POLR1A: variants seen among roughly 807,000 people sequenced by gnomAD.
The protein encoded by POLR1A is RNA polymerase I subunit A, also known as DNA-directed RNA polymerase I subunit RPA1.
In POLR1A, 84 loss-of-function variants were observed where a neutral mutation model predicts 205.3. The observed-to-expected ratio is 0.41, with a 90% CI of 0.34 to 0.49. POLR1A has a LOEUF of 0.49. POLR1A is among the 20% of genes least tolerant of loss of function. The pLI is 0.22. For synonymous variants in POLR1A, 799 were observed against 863.7 expected (o/e 0.93, Z 1.31); for missense variants, 1,645 against 2,204.5 (o/e 0.75, Z 5.08).
At chr2:86,034,271 C>A (rs1308970915) in intron 27 of POLR1A, among the ~76,000 whole-genome samples, 2 of 152,182 alleles carry the variant, frequency 1.3e-5, no homozygotes, top group Non-Finnish European at 2.9e-5. Flanking sequence ...AGGACTAGGA[C>A]CTTCCCCTGC....
chr2:86,038,289 A>G (rs762228755), intron 27 of POLR1A, among the ~76,000 whole-genome samples: 2 of 152,254 alleles, frequency 1.3e-5, no homozygotes, highest in Non-Finnish European at 2.9e-5. Flanking sequence ...TAAATGCATC[A>G]GGAACCACAT....
intron 6 of POLR1A, among the ~76,000 whole-genome samples, chr2:86,083,686 T>C (rs1005959283): frequency 6.6e-6 from 1 of 152,246 alleles, no homozygotes; most frequent in African/African-American, 2.4e-5. Context: ...TTGATTTCCA[T>C]ATTTTGCTAT....
chr2:86,084,214 G>A lies in POLR1A; in HGVS notation c.731-1046C>T, dbSNP rs550768763. ...CCAGGAGGCGGAGCTTGCAGTGAGC[G>A]GAGATTGTGCCACTGCACTCCAGCC... is the stretch of plus-strand genomic sequence containing the variant. On this transcript the variant is annotated intron_variant, in intron 6 of 33. Coordinates refer to ENST00000263857, the MANE Select transcript of POLR1A (RefSeq NM_015425.6). Among the ~76,000 whole-genome samples the A allele has an allele frequency of 1.4e-4, 21 of 152,162 alleles. No individual in the cohort carries two copies. The East Asian group carries it at 2.1e-3, about 15-fold the overall frequency.
chr2:86,058,339 T>G (rs1672934937), intron 14 of POLR1A, among the ~76,000 whole-genome samples: 1 of 151,442 alleles, frequency 6.6e-6, no homozygotes, highest in Non-Finnish European at 1.5e-5. Flanking sequence ...GATGTCGTGA[T>G]CCGGCCGCCT....
intron 16 of POLR1A, among the ~76,000 whole-genome samples, chr2:86,052,195 T>C (rs1192452142): frequency 6.6e-6 from 1 of 152,206 alleles, no homozygotes; most frequent in Admixed American, 6.5e-5. Context: ...TCCACCCACC[T>C]TGGCCTCCCA....
At chr2:86,064,340 A>C (rs1673049515) in intron 14 of POLR1A, among the ~76,000 whole-genome samples, 1 of 152,236 alleles carries the variant, frequency 6.6e-6, no homozygotes, top group Non-Finnish European at 1.5e-5. Context: ...GGCTAAGATC[A>C]CATAGCCAAT....
Position 86,027,120 on chromosome 2 carries a change from C to A in POLR1A, c.*303G>T. 2.3e-6 allele frequency: 1 copy of A among 442,700 alleles called. No individual in the cohort carries two copies. The allele number at this position is 442,700 out of a possible 1,614,324, so 27.4% of individuals were successfully genotyped here. Reference sequence around the variant, plus strand: ...GGACTTCTCCTTAGGGGTTATGCCACAGAGGCCTCCTGCAGCACAGGTGAG... The same window carrying A: ...GGACTTCTCCTTAGGGGTTATGCCAAAGAGGCCTCCTGCAGCACAGGTGAG... On this transcript the variant is annotated 3_prime_UTR_variant, in exon 34 of 34. Coordinates refer to ENST00000263857, the MANE Select transcript of POLR1A (RefSeq NM_015425.6).
chr2:86,105,823 C>G lies in POLR1A; in HGVS notation c.-47G>C, dbSNP rs1170859046. The G allele has an allele frequency of 4.1e-6, 6 of 1,456,234 alleles. No homozygotes were observed. Among genetic ancestry groups the G allele is most frequent in the Non-Finnish European group, 3.9e-6 (4 of 1,037,640 alleles). 90.2% of individuals were successfully genotyped at this position (1,456,234 alleles called of 1,614,324 possible). ...CCGACACCCCAAGAGACGTTCCACT[C>G]ACCACCTGACTATTCTTAATTCAAC... On this transcript the variant is annotated 5_prime_UTR_variant, in exon 1 of 34. Coordinates refer to ENST00000263857, the MANE Select transcript of POLR1A (RefSeq NM_015425.6).
Position 86,097,201 on chromosome 2 carries a change from T to A in POLR1A, c.432+1410A>T, listed in dbSNP as rs1343315213. Among the ~76,000 whole-genome samples, 5 of 56,004 alleles carry A rather than the reference T, an allele frequency of 8.9e-5. 2 individuals are homozygous for A. In the Admixed American group the frequency reaches 1.7e-3, roughly 18 times the overall value. 36.7% of individuals were successfully genotyped at this position (56,004 alleles called of 152,430 possible). ...TTTCATCTCATCCCATTAGGATGGC[T>A]ATCCCCAAAAGACAAAAAAAAAAAA... On this transcript the variant is annotated intron_variant, in intron 3 of 33. Transcript: ENST00000263857.
intron 22 of POLR1A, among the ~76,000 whole-genome samples, chr2:86,043,409 G>C (rs1672652988): frequency 1.3e-5 from 2 of 152,140 alleles, no homozygotes; most frequent in Non-Finnish European, 1.5e-5. Context: ...GGGAACCAAT[G>C]GTCTTGGGAG....
intron 8 of POLR1A, among the ~76,000 whole-genome samples, chr2:86,081,322 G>C (rs1209785537): frequency 1.3e-5 from 2 of 152,156 alleles, no homozygotes; most frequent in Admixed American, 1.3e-4. Flanking sequence ...CTTGAACCCA[G>C]GAGGCAGAGG....
intron 15 of POLR1A, 83 bp downstream of exon 15, chr2:86,054,057 C>T: frequency 1.5e-6 from 2 of 1,348,708 alleles, no homozygotes; most frequent in Non-Finnish European, 1.0e-6. Flanking sequence ...TGTGAATGTG[C>T]CTCCATTTCT....
rs1242042217 is a variant in POLR1A at position 86,049,370 on chromosome 2, G to T, written c.2393-128C>A. On this transcript the variant is annotated intron_variant, in intron 16 of 33. Coordinates refer to ENST00000263857, the MANE Select transcript of POLR1A (RefSeq NM_015425.6). ...CAGGAAATACCTGAGTAAGGAAGATGATATTAACATCATTATTAACAGATT... is the reference window on the plus strand; with the variant it reads ...CAGGAAATACCTGAGTAAGGAAGATTATATTAACATCATTATTAACAGATT... 4.5e-6 allele frequency: 3 copies of T among 670,190 alleles called. No homozygotes were observed. The African/African-American group carries it at 5.4e-5, about 12-fold the overall frequency. 41.5% of individuals were successfully genotyped at this position (670,190 alleles called of 1,614,324 possible).
intron 27 of POLR1A, among the ~76,000 whole-genome samples, chr2:86,037,359 C>CT (rs1299058350): frequency 6.6e-6 from 1 of 152,274 alleles, no homozygotes; most frequent in Non-Finnish European, 1.5e-5. Flanking sequence ...GTCCAAAGGA[C>CT]TGAGTTCACA....
chr2:86,048,412 A>G (rs1426477279), intron 18 of POLR1A, among the ~76,000 whole-genome samples: 1 of 152,170 alleles, frequency 6.6e-6, no homozygotes, highest in Admixed American at 6.5e-5. Context: ...TGCCCCTCAC[A>G]GCCCCACTTC....
chr2:86,088,953 T>C, intron 4 of POLR1A, 83 bp from the exon 5 acceptor site: 4 of 1,050,286 alleles, frequency 3.8e-6, no homozygotes, highest in Non-Finnish European at 5.6e-6. Flanking sequence ...TTTTCACCTT[T>C]TATTTTTAAC....
At chr2:86,100,706 C>T (rs747618545) in intron 1 of POLR1A, among the ~76,000 whole-genome samples, 1 of 151,778 alleles carries the variant, frequency 6.6e-6, no homozygotes, top group African/African-American at 2.4e-5. Flanking sequence ...AACAATTTTT[C>T]GATTAATATT....
In POLR1A at chr2:86,098,647, T is replaced by C; in HGVS notation, c.396A>G (p.Leu132=). The stretch of plus-strand genomic sequence containing the variant: ...TTCTCTCAAGCTCGTAGACTGCTTG[T>C]AGGGCCCCGACTTCCAGAACCCTCA... ...CQLRVLEVGA[L]QAVYELERIL... is the part of the protein sequence containing the mutation. The change falls in exon 3 of 34, where the codon CTA becomes CTG. Residue 132 remains leucine, a synonymous_variant. Coordinates refer to ENST00000263857, the MANE Select transcript of POLR1A (RefSeq NM_015425.6). 6.2e-7 allele frequency: 1 copy of C among 1,613,708 alleles called. No individual in the cohort carries two copies. Among genetic ancestry groups the C allele is most frequent in the Non-Finnish European group, 8.5e-7 (1 of 1,179,908 alleles).
chr2:86,094,433 T>C (rs1194513932), intron 3 of POLR1A, among the ~76,000 whole-genome samples: 1 of 152,230 alleles, frequency 6.6e-6, no homozygotes, highest in Non-Finnish European at 1.5e-5. Context: ...CCAATCGTTC[T>C]TTGAGCACAT....
Sources: gnomAD v4.1 joint callset for allele counts (sites outside exome capture counted in the v4.1 genomes callset) on GRCh38, gnomAD v4.1.1 for gene constraint, MANE v1.5 for transcripts, NCBI Gene and HGNC (gene_info 2026-07-23, HGNC 2026-07-21) for gene names.